Variants in DNAI7 observed in about 807,000 individuals in gnomAD.
The protein encoded by DNAI7 is cancer susceptibility 1.
DNAI7 carries 78 observed loss-of-function variants against 86.6 expected under a neutral mutation model. The observed-to-expected ratio is 0.90, with a 90% CI of 0.75 to 1.09. The LOEUF (loss-of-function observed/expected upper bound fraction) is 1.09. DNAI7 is among the 50% of genes least tolerant of loss of function. DNAI7 has a pLI of 0.00. For synonymous variants in DNAI7, 274 were observed against 273.0 expected (o/e 1.00, Z -0.04); for missense variants, 753 against 810.2 (o/e 0.93, Z 0.86).
intron 11 of DNAI7, among the ~76,000 whole-genome samples, chr12:25,120,317 G>GGAGAGAGA (rs369253749): frequency 0.21 from 17,237 of 80,486 alleles, 2,682 homozygotes; most frequent in Non-Finnish European, 0.28. Flanking sequence ...GCAGGAAGAG[G>GGAGAGAGA]GAGAGAGAGA....
chr12:25,107,225 G>C (rs1388184441), downstream of DNAI7, among the ~76,000 whole-genome samples: 1 of 152,094 alleles, frequency 6.6e-6, no homozygotes, highest in East Asian at 1.9e-4. Context: ...TCTATTTTGA[G>C]AGACAGACTA....
At chr12:25,152,209 C>T (rs1437968482) in intron 6 of DNAI7, among the ~76,000 whole-genome samples, 1 of 152,200 alleles carries the variant, frequency 6.6e-6, no homozygotes, top group Non-Finnish European at 1.5e-5. Context: ...TCAACCTCAC[C>T]TGAGTTTATG....
chr12:25,175,169 CACA>C (rs1286576083), intron 2 of DNAI7, among the ~76,000 whole-genome samples: 1 of 151,876 alleles, frequency 6.6e-6, no homozygotes, highest in African/African-American at 2.4e-5. Context: ...CCAGAATTCC[CACA>C]ACTATTTCAT....
At chr12:25,154,198 T>G in intron 6 of DNAI7, 121 bp downstream of exon 6, 1 of 743,442 alleles carries the variant, frequency 1.3e-6, no homozygotes, top group Non-Finnish European at 2.1e-6. Context: ...AATTACTTCT[T>G]TTGCTAAGGG....
At chr12:25,117,940 T>TTCTTTC (rs78658147) in intron 12 of DNAI7, among the ~76,000 whole-genome samples, 8 of 139,282 alleles carry the variant, frequency 5.7e-5, no homozygotes, top group Admixed American at 2.1e-4. Context: ...TTCTTTTTCT[T>TTCTTTC]TTTTTTTTTT....
At chr12:25,168,275 T>C (rs1284932020) in intron 2 of DNAI7, among the ~76,000 whole-genome samples, 1 of 152,200 alleles carries the variant, frequency 6.6e-6, no homozygotes, top group Non-Finnish European at 1.5e-5. Context: ...GGCAGGTACA[T>C]GCACACTAGT....
intron 11 of DNAI7, among the ~76,000 whole-genome samples, chr12:25,120,650 G>A (rs1010391293): frequency 2.6e-5 from 4 of 152,240 alleles, no homozygotes; most frequent in Non-Finnish European, 4.4e-5. Context: ...GCGTGAACCC[G>A]GGAGGCGGAG....
At chr12:25,194,293 A>C (rs528736141) in intron 1 of DNAI7, among the ~76,000 whole-genome samples, 1 of 152,300 alleles carries the variant, frequency 6.6e-6, no homozygotes, top group East Asian at 1.9e-4. Context: ...GCTGTATTGT[A>C]ATTAATTTGT....
intron 12 of DNAI7, among the ~76,000 whole-genome samples, chr12:25,118,826 A>G (rs1031971497): frequency 2.0e-5 from 3 of 152,162 alleles, no homozygotes; most frequent in African/African-American, 7.2e-5. Context: ...TCAGCCTCCC[A>G]AAGTGCTGGG....
rs191845731 is a variant in DNAI7 at position 25,147,087 on chromosome 12, T to A, written c.603A>T (p.Ala201=). 9 of 1,591,606 alleles carry A rather than the reference T, an allele frequency of 5.7e-6. No homozygotes were observed. In the Admixed American group the frequency reaches 1.5e-4, roughly 27 times the overall value. Residue 201 remains alanine, a synonymous_variant, in exon 8 of 16, where the codon GCA becomes GCT. Transcript: ENST00000395987. ...EILLKQASTL[A]DLDSGNMEKV... ...TTTCCATATTTCCACTGTCCAGATC[T>A]GCCAAAGTACTAGCTTGCTGTAAGA... is the stretch of plus-strand genomic sequence containing the variant.
chr12:25,130,161 T>TA (rs1942709692), intron 9 of DNAI7, among the ~76,000 whole-genome samples: 1 of 152,194 alleles, frequency 6.6e-6, no homozygotes, highest in Non-Finnish European at 1.5e-5. Context: ...GTTAGCTCAT[T>TA]AAAAACAAGA....
intron 2 of DNAI7, among the ~76,000 whole-genome samples, chr12:25,165,635 A>G (rs969391614): frequency 2.6e-5 from 4 of 151,636 alleles, no homozygotes; most frequent in African/African-American, 9.7e-5. Context: ...ACACTGCCCA[A>G]TTGCCTCGGA....
chr12:25,149,776 T>A lies in DNAI7; in HGVS notation c.439-2A>T. 1 of 1,476,274 alleles carries A rather than the reference T, an allele frequency of 6.8e-7. No homozygotes were observed. The highest frequency in any genetic ancestry group is 9.4e-7 in the Non-Finnish European group (1 of 1,063,690). The allele number at this position is 1,476,274 out of a possible 1,614,324, so 91.4% of individuals were successfully genotyped here. On this transcript the variant is annotated splice_acceptor_variant, in intron 6 of 15. Transcript: ENST00000395987. LOFTEE classifies it high-confidence loss of function. The stretch of plus-strand genomic sequence containing the variant: ...AATAAATTTCAATTTCTCAATTAAC[T>A]GTAAAGTAAAAGAATATTTGCATTA...
chr12:25,151,757 A>G (rs1945570928), intron 6 of DNAI7, among the ~76,000 whole-genome samples: 1 of 152,356 alleles, frequency 6.6e-6, no homozygotes, highest in South Asian at 2.1e-4. Context: ...ACGGAAAGTC[A>G]GAGTAAGGTC....
chr12:25,146,848 G>A lies in DNAI7; in HGVS notation c.689+153C>T, dbSNP rs149151532. 3.6e-3 allele frequency among the ~76,000 whole-genome samples: 548 copies of A among 152,280 alleles called. 3 individuals carry two copies. Among genetic ancestry groups the A allele is most frequent in the African/African-American group, 0.012 (492 of 41,572 alleles). Reference sequence around the variant, plus strand: ...AAAGTAACTTGTGTAAGAAAATGGCGGGTTTCTGATTCAACCCTTAGTGGG... The same window carrying A: ...AAAGTAACTTGTGTAAGAAAATGGCAGGTTTCTGATTCAACCCTTAGTGGG... On this transcript the variant is annotated intron_variant, in intron 8 of 15. Coordinates refer to ENST00000395987, the MANE Select transcript of DNAI7 (RefSeq NM_018272.5).
chr12:25,193,603 G>A (rs547341269), intron 1 of DNAI7, among the ~76,000 whole-genome samples: 7 of 152,288 alleles, frequency 4.6e-5, no homozygotes, highest in Admixed American at 6.5e-5. Flanking sequence ...CCTGGAATCT[G>A]CATTTTTAAC....
rs763438871 is a variant in DNAI7, at chr12:25,155,362, CCTCT to C, written c.245_248del (p.Glu82GlyfsTer9). The C allele has an allele frequency of 2.5e-6, 4 of 1,608,740 alleles. No individual in the cohort carries two copies. In the South Asian group the frequency reaches 3.3e-5, roughly 13 times the overall value. On this transcript the variant is annotated frameshift_variant, in exon 5 of 16. Coordinates refer to ENST00000395987, the MANE Select transcript of DNAI7 (RefSeq NM_018272.5). LOFTEE classifies it high-confidence loss of function. ...TCAATTTCTCTGCTTCAGGAAAACA[CCTCT>C]CTAATAAATAAAGTTCTTCAAGTTC... is the stretch of plus-strand genomic sequence containing the variant.
At chr12:25,174,313 T>C (rs781509222) in intron 2 of DNAI7, among the ~76,000 whole-genome samples, 1 of 140,908 alleles carries the variant, frequency 7.1e-6, no homozygotes, top group African/African-American at 2.6e-5. Flanking sequence ...TTTGTTTTTA[T>C]TGCATTTGCA....
At chr12:25,181,938 T>C (rs1283411970) in intron 2 of DNAI7, among the ~76,000 whole-genome samples, 1 of 152,116 alleles carries the variant, frequency 6.6e-6, no homozygotes, top group Non-Finnish European at 1.5e-5. Context: ...TCAACCCCTA[T>C]TGAAAACAAT....
Sources: allele counts gnomAD v4.1 joint callset (sites outside exome capture counted in the v4.1 genomes callset), GRCh38; gene constraint gnomAD v4.1.1; transcripts MANE v1.5; gene names NCBI Gene and HGNC (gene_info 2026-07-23, HGNC 2026-07-21).